The following NOL4L variants were observed in gnomAD, a reference collection of about 807,000 sequenced individuals.
The protein encoded by NOL4L is nucleolar protein 4-like.
Under a neutral mutation model 64.5 loss-of-function variants are expected in NOL4L, and 7 were observed. The observed-to-expected ratio is 0.11, with a 90% CI of 0.06 to 0.20. The LOEUF (loss-of-function observed/expected upper bound fraction) is 0.20, where lower values mean the gene tolerates loss of function less well. Among genes scored for constraint, NOL4L ranks in the 10% least tolerant of loss-of-function variants. The probability of loss-of-function intolerance (pLI) is 1.00; values close to 1 mark genes in which losing one functional copy is unlikely to be tolerated. For missense variants in NOL4L, 680 were observed against 967.1 expected (o/e 0.70, Z 3.94); for synonymous variants, 413 against 401.0 (o/e 1.03, Z -0.36).
At chr20:32,540,274 C>T (rs2018630533) in intron 1 of NOL4L, among the ~76,000 whole-genome samples, 1 of 152,238 alleles carries the variant, frequency 6.6e-6, no homozygotes, top group Non-Finnish European at 1.5e-5. Context: ...CACAGCCACA[C>T]ACACACAGTC....
intron 4 of NOL4L, among the ~76,000 whole-genome samples, chr20:32,482,380 C>T (rs1330801462): frequency 6.6e-6 from 1 of 152,152 alleles, no homozygotes; most frequent in African/African-American, 2.4e-5. Context: ...GAACTTCCCC[C>T]AGGAAGCGCA....
chr20:32,485,100 A>AAAAAAAAAAAAAAAAAAAC (rs2016030149), intron 4 of NOL4L, among the ~76,000 whole-genome samples: 1 of 150,376 alleles, frequency 6.6e-6, no homozygotes, highest in Non-Finnish European at 1.5e-5. Context: ...ACTAAAAAAA[A>AAAAAAAAAAAAAAAAAAAC]ACCCTGATAA....
At chr20:32,525,289 C>G (rs1050279989) in intron 2 of NOL4L, among the ~76,000 whole-genome samples, 1 of 152,200 alleles carries the variant, frequency 6.6e-6, no homozygotes, top group Admixed American at 6.5e-5. Flanking sequence ...GCCAGGGAAA[C>G]CACATGATCC....
intron 1 of NOL4L, chr20:32,535,503 C>T: frequency 1.2e-6 from 1 of 834,770 alleles, no homozygotes; most frequent in South Asian, 5.5e-5. Context: ...GCCACCGCCA[C>T]CACCGAGTCG....
chr20:32,516,859 G>T (rs1432289527), intron 3 of NOL4L, among the ~76,000 whole-genome samples: 3 of 152,370 alleles, frequency 2.0e-5, no homozygotes, highest in African/African-American at 7.2e-5. Flanking sequence ...TACTGAGGAA[G>T]AGTCAGCATT....
chr20:32,475,804 T>C (rs1600707284), intron 4 of NOL4L, among the ~76,000 whole-genome samples: 1 of 152,142 alleles, frequency 6.6e-6, no homozygotes, highest in East Asian at 1.9e-4. Flanking sequence ...TCTTTTATAG[T>C]GAGCAAACAC....
At chr20:32,525,232 G>T (rs2018089197) in intron 2 of NOL4L, among the ~76,000 whole-genome samples, 1 of 152,210 alleles carries the variant, frequency 6.6e-6, no homozygotes, top group African/African-American at 2.4e-5. Flanking sequence ...TTCCTAAACC[G>T]CCCAAAGAGT....
intron 2 of NOL4L, among the ~76,000 whole-genome samples, chr20:32,527,057 C>T (rs889965968): frequency 2.6e-5 from 4 of 152,180 alleles, no homozygotes; most frequent in South Asian, 4.1e-4. Context: ...CTCCCCAAAG[C>T]GTAGAATGCC....
chr20:32,473,535 G>A (rs2015173120), intron 5 of NOL4L, among the ~76,000 whole-genome samples: 1 of 152,052 alleles, frequency 6.6e-6, no homozygotes, highest in Admixed American at 6.5e-5. Context: ...CCCAGCCCCT[G>A]GCCCAGACAC....
chr20:32,512,265 G>A (rs1353670329), intron 3 of NOL4L, among the ~76,000 whole-genome samples: 1 of 152,016 alleles, frequency 6.6e-6, no homozygotes, highest in Non-Finnish European at 1.5e-5. Context: ...TATGATACTT[G>A]CCAGACCCTT....
At chr20:32,488,752 TTCCTTCCTTCCTTCC>T (rs2016215038) in intron 4 of NOL4L, among the ~76,000 whole-genome samples, 1 of 44,170 alleles carries the variant, frequency 2.3e-5, no homozygotes, top group African/African-American at 1.6e-4. Context: ...TTTCTTTTCC[TTCCTTCCTTCCTTCC>T]TTCCTTCCTT....
chr20:32,534,934 G>C (rs1013417888), intron 1 of NOL4L, among the ~76,000 whole-genome samples: 1 of 151,854 alleles, frequency 6.6e-6, no homozygotes, highest in Non-Finnish European at 1.5e-5. Flanking sequence ...AGCTTCTGGG[G>C]GGATTCCTGT....
intron 10 of NOL4L, among the ~76,000 whole-genome samples, chr20:32,449,234 C>A (rs1568587143): frequency 6.6e-6 from 1 of 152,254 alleles, no homozygotes; most frequent in Non-Finnish European, 1.5e-5. Context: ...TGCCCTCCCC[C>A]TGGAGTCCCT....
chr20:32,471,183 C>T (rs568088763), intron 5 of NOL4L, among the ~76,000 whole-genome samples: 48 of 152,120 alleles, frequency 3.2e-4, no homozygotes, highest in Middle Eastern at 3.4e-3. Context: ...AAAGCTGTGG[C>T]ACCCGCACAA....
intron 5 of NOL4L, among the ~76,000 whole-genome samples, chr20:32,473,200 C>G (rs1312342751): frequency 6.6e-6 from 1 of 152,220 alleles, no homozygotes; most frequent in Non-Finnish European, 1.5e-5. Context: ...GAACAACTGT[C>G]CCAGACCCTT....
chr20:32,453,125 T>G lies in NOL4L; in HGVS notation c.1498-119A>C. 1 of 1,463,176 alleles carries G rather than the reference T, an allele frequency of 6.8e-7. No homozygotes were observed. The highest frequency in any genetic ancestry group is 9.3e-7 in the Non-Finnish European group (1 of 1,076,410). The allele number at this position is 1,463,176 out of a possible 1,614,324, so 90.6% of individuals were successfully genotyped here. On this transcript the variant is annotated intron_variant, in intron 8 of 10. Coordinates refer to ENST00000621426, the MANE Select transcript of NOL4L (RefSeq NM_001256798.2). The surrounding 1 kb of genome is among the most constrained non-coding windows in gnomAD (Gnocchi z 5.6). ...GGGTTTGGGCTCCAGCGCCTCAGTC[T>G]ATGGAGCTGTGTGATCTTTCTGGGC...
chr20:32,559,810 G>A (rs1161525835), intron 1 of NOL4L, among the ~76,000 whole-genome samples: 1 of 152,246 alleles, frequency 6.6e-6, no homozygotes, highest in East Asian at 1.9e-4. Context: ...TCCCAGGCGT[G>A]GGCATCCCTC....
chr20:32,553,108 G>A (rs1321729660), intron 1 of NOL4L, among the ~76,000 whole-genome samples: 2 of 152,054 alleles, frequency 1.3e-5, no homozygotes, highest in African/African-American at 2.4e-5. Context: ...TTTCAGCACC[G>A]CCCCATTTCC....
chr20:32,457,331 C>A lies in NOL4L; in HGVS notation c.842-936G>T, dbSNP rs535827063. ...ACTCCCGGGGTCACTGTCAGGTGAG[C>A]ACCCGCGAGGGTCCCGGGGAGGTAC... On this transcript the variant is annotated intron_variant, in intron 5 of 10. Transcript: ENST00000621426. 3.9e-5 allele frequency among the ~76,000 whole-genome samples: 6 copies of A among 152,308 alleles called. No homozygotes were observed. The South Asian group carries it at 8.3e-4, about 21-fold the overall frequency.
Sources: gnomAD v4.1 joint callset for allele counts (sites outside exome capture counted in the v4.1 genomes callset) on GRCh38, gnomAD v4.1.1 for gene constraint, Gnocchi (gnomAD v3.1) non-coding constraint, MANE v1.5 for transcripts, NCBI Gene and HGNC (gene_info 2026-07-23, HGNC 2026-07-21) for gene names.